HK2: variants seen among roughly 807,000 people sequenced by gnomAD.
The protein encoded by HK2 is hexokinase-2.
Under a neutral mutation model 92.9 loss-of-function variants are expected in HK2, and 42 were observed. The ratio of observed to expected loss-of-function variants is 0.45; its 90% CI spans 0.35 to 0.58. The LOEUF (loss-of-function observed/expected upper bound fraction) is 0.58. Ranked by LOEUF, HK2 falls within the 20% of genes least tolerant of loss-of-function variation. The pLI is 0.00. For synonymous variants in HK2, 422 were observed against 468.0 expected, an observed-to-expected ratio of 0.90 and a Z score of 1.27; for missense variants, 978 against 1,245.1, an observed-to-expected ratio of 0.79 and a Z score of 3.23.
intron 1 of HK2, among the ~76,000 whole-genome samples, chr2:74,846,013 C>A (rs546660496): frequency 6.6e-6 from 1 of 152,316 alleles, no homozygotes; most frequent in Admixed American, 6.5e-5. Flanking sequence ...TTAGGGCACT[C>A]GGCTGGTCAC....
At chr2:74,870,908 G>A (rs1689081931) in intron 3 of HK2, among the ~76,000 whole-genome samples, 1 of 152,180 alleles carries the variant, frequency 6.6e-6, no homozygotes, top group South Asian at 2.1e-4. Context: ...GAATGGATGT[G>A]GGAAGTTTAG....
At chr2:74,845,215 T>C (rs1206773683) in intron 1 of HK2, among the ~76,000 whole-genome samples, 2 of 152,238 alleles carry the variant, frequency 1.3e-5, no homozygotes, top group African/African-American at 2.4e-5. Context: ...TAATTACTTG[T>C]TAATGTATCT....
rs1304643015 is a variant in HK2, at chr2:74,866,991, T to A, written c.227-645T>A. 2.6e-5 allele frequency among the ~76,000 whole-genome samples: 4 copies of A among 152,086 alleles called. No homozygotes were observed. In the East Asian group the frequency reaches 5.8e-4, roughly 22 times the overall value. ...AATATGCAAACATTAGAAAGTAAAT[T>A]TAATACCGTGCTTGCAATTTGGTGT... is the stretch of plus-strand genomic sequence containing the variant. On this transcript the variant is annotated intron_variant, in intron 2 of 17. Coordinates refer to ENST00000290573, the MANE Select transcript of HK2 (RefSeq NM_000189.5).
Position 74,886,327 on chromosome 2 carries a change from GAC to G in HK2, c.1973_1974del (p.Thr658SerfsTer10). ...FDLDVVAVVNDTVGTMMTCGF... is the reference protein window; with the variant it reads ...FDLDVVAVVNXTVGTMMTCGF... ...CCTGGATGTGGTTGCTGTGGTGAACGACACAGTCGGAACTATGATGACCTGTG... is the reference window on the plus strand; with the variant it reads ...CCTGGATGTGGTTGCTGTGGTGAACGACAGTCGGAACTATGATGACCTGTG... On this transcript the variant is annotated frameshift_variant, in exon 14 of 18. Coordinates refer to ENST00000290573, the MANE Select transcript of HK2 (RefSeq NM_000189.5). LOFTEE classifies it high-confidence loss of function. The G allele has an allele frequency of 6.2e-7, 1 of 1,614,146 alleles. No individual in the cohort carries two copies. The highest frequency in any genetic ancestry group is 8.5e-7 in the Non-Finnish European group (1 of 1,180,024).
chr2:74,835,694 CTCCTGGCCCGGGCCTGGGCTACG>C, intron 1 of HK2, among the ~76,000 whole-genome samples: 1 of 152,308 alleles, frequency 6.6e-6, no homozygotes, highest in Non-Finnish European at 1.5e-5. Context: ...AGGGGATTGG[CTCCTGGCCCGGGCCTGGGCTACG>C]ATTTGAGGTA....
At chr2:74,865,784 T>G (rs1044208504) in intron 2 of HK2, among the ~76,000 whole-genome samples, 1 of 152,064 alleles carries the variant, frequency 6.6e-6, no homozygotes, top group Admixed American at 6.5e-5. Context: ...CTGCAATCCC[T>G]TCTGCTTTCG....
At chr2:74,867,875 G>A (rs1223970027) in intron 3 of HK2, 91 bp downstream of exon 3, 10 of 1,458,058 alleles carry the variant, frequency 6.9e-6, no homozygotes, top group South Asian at 3.4e-5. Context: ...CCAGCGTGTG[G>A]ATAGGCAGTC....
chr2:74,835,164 A>T (rs1688127845), intron 1 of HK2: 1 of 183,972 alleles, frequency 5.4e-6, no homozygotes. Flanking sequence ...GCTCGAGGAG[A>T]AGCTGACCCG....
chr2:74,856,122 G>A (rs1016212512), intron 2 of HK2, among the ~76,000 whole-genome samples: 3 of 152,086 alleles, frequency 2.0e-5, no homozygotes, highest in Non-Finnish European at 2.9e-5. Flanking sequence ...CTGGCAGGTC[G>A]CTGGTGAGGC....
Position 74,849,212 on chromosome 2 carries a change from T to C in HK2, c.64-5081T>C, listed in dbSNP as rs532107318. Among the ~76,000 whole-genome samples, 104 of 152,346 alleles carry C rather than the reference T, an allele frequency of 6.8e-4. 1 individual carries two copies. Among genetic ancestry groups the C allele is most frequent in the African/African-American group, 2.4e-3 (100 of 41,576 alleles). On this transcript the variant is annotated intron_variant, in intron 1 of 17. Transcript: ENST00000290573. ...GCTTCCCATTTTGGGTATTATCTTA[T>C]TTCCTAGAGAGTATGGGGTTAATTT...
chr2:74,880,778 C>T (rs1689370508), intron 10 of HK2, among the ~76,000 whole-genome samples: 5 of 152,242 alleles, frequency 3.3e-5, no homozygotes, highest in Admixed American at 2.6e-4. Flanking sequence ...TGAATGCTTA[C>T]TGTGTGTCAA....
intron 2 of HK2, among the ~76,000 whole-genome samples, chr2:74,855,331 T>G (rs1159636594): frequency 6.6e-6 from 1 of 152,214 alleles, no homozygotes; most frequent in African/African-American, 2.4e-5. Context: ...AGTCCTGCAA[T>G]ACAAACCTAT....
intron 2 of HK2, among the ~76,000 whole-genome samples, chr2:74,858,126 C>T (rs1020152328): frequency 2.0e-5 from 3 of 152,194 alleles, no homozygotes; most frequent in African/African-American, 7.2e-5. Context: ...CAGCAAGAAA[C>T]ACATGCATAT....
intron 1 of HK2, among the ~76,000 whole-genome samples, chr2:74,841,858 G>A (rs1408217574): frequency 6.6e-6 from 1 of 152,256 alleles, no homozygotes; most frequent in East Asian, 1.9e-4. Flanking sequence ...CAACAAGACA[G>A]GCATGTGAGC....
At chr2:74,852,725 C>A (rs1261325106) in intron 1 of HK2, among the ~76,000 whole-genome samples, 3 of 151,932 alleles carry the variant, frequency 2.0e-5, no homozygotes, top group Non-Finnish European at 4.4e-5. Context: ...TGAGAGTTAT[C>A]TGATGCTTCT....
chr2:74,848,104 C>G (rs1286334777), intron 1 of HK2, among the ~76,000 whole-genome samples: 3 of 152,174 alleles, frequency 2.0e-5, no homozygotes, highest in African/African-American at 7.2e-5. Flanking sequence ...ACTGCTGTCT[C>G]TAGGTAAGCA....
At chr2:74,881,206 A>G (rs1191409924) in intron 10 of HK2, among the ~76,000 whole-genome samples, 1 of 152,204 alleles carries the variant, frequency 6.6e-6, no homozygotes, top group Non-Finnish European at 1.5e-5. Context: ...GCCTTTACAG[A>G]AAAAGATTTC....
In HK2 at chr2:74,892,414, T is replaced by G. The variant is rs1342749233; in HGVS notation, c.*1473T>G. 6.6e-6 allele frequency: 1 copy of G among 152,208 alleles called. No homozygotes were observed. Among genetic ancestry groups the G allele is most frequent in the East Asian group, 1.9e-4 (1 of 5,200 alleles). The allele number at this position is 152,208 out of a possible 1,614,324, so 9.4% of individuals were successfully genotyped here. ...GAATTGTCCATGTGCTTCCCTAGGC[T>G]GAGCTGGCATTGGTCTGCTGACCTG... On this transcript the variant is annotated 3_prime_UTR_variant, in exon 18 of 18. Transcript: ENST00000290573.
chr2:74,886,044 AAG>A (rs777678994), intron 13 of HK2, among the ~76,000 whole-genome samples: 15 of 152,016 alleles, frequency 9.9e-5, no homozygotes, highest in Non-Finnish European at 1.8e-4. Flanking sequence ...AAAAAAAAGA[AAG>A]AAAAGGAGTG....
Sources: allele counts gnomAD v4.1 joint callset (sites outside exome capture counted in the v4.1 genomes callset), GRCh38; gene constraint gnomAD v4.1.1; transcripts MANE v1.5; gene names NCBI Gene and HGNC (gene_info 2026-07-23, HGNC 2026-07-21).